Variants in SLC45A4 observed in about 807,000 individuals in gnomAD.
SLC45A4 encodes polyamine-transporter SLC45A4.
Under a neutral mutation model 63.7 loss-of-function variants are expected in SLC45A4, and 32 were observed. The ratio of observed to expected loss-of-function variants is 0.50; its 90% CI spans 0.38 to 0.67. The LOEUF (loss-of-function observed/expected upper bound fraction) is 0.67, where lower values mean the gene tolerates loss of function less well. SLC45A4 is among the 30% of genes least tolerant of loss of function. The pLI is 0.00. For synonymous variants in SLC45A4, 535 were observed against 510.0 expected, an observed-to-expected ratio of 1.05 and a Z score of -0.66; for missense variants, 1,027 against 1,157.7, an observed-to-expected ratio of 0.89 and a Z score of 1.64.
At position 141,307,445 on chromosome 8, in the gene SLC45A4, G is replaced by A. The variant is rs188922332; in HGVS notation, c.-401+651C>T. 1.3e-3 allele frequency among the ~76,000 whole-genome samples: 204 copies of A among 152,248 alleles called. 1 individual carries two copies. Among genetic ancestry groups the A allele is most frequent in the African/African-American group, 4.7e-3 (197 of 41,528 alleles). ...GGCAGAGCCACAGTCTGGCGGTGCA[G>A]GCTGGGGGTCCGAGGCGGGGGACAC... On this transcript the variant is annotated intron_variant, in intron 1 of 8. Transcript: ENST00000517878.
Position 141,212,374 on chromosome 8 carries a change from C to A in SLC45A4, c.2124G>T (p.Leu708=). ...GATAGATCACCAGGAATGTGGCCGT[C>A]AGGAAGCCCAGGAAAGAGCCCACAG... ...VASVGSFLGF[L]TATFLVIYPN... is the part of the protein sequence containing the mutation. Residue 708 remains leucine, a synonymous_variant, in exon 8 of 9, where the codon CTG becomes CTT. Coordinates refer to ENST00000517878, the MANE Select transcript of SLC45A4 (RefSeq NM_001286646.2). 6.2e-7 allele frequency: 1 copy of A among 1,613,700 alleles called. No individual in the cohort carries two copies.
At chr8:141,283,467 A>C (rs1264348504) in intron 1 of SLC45A4, among the ~76,000 whole-genome samples, 2 of 152,238 alleles carry the variant, frequency 1.3e-5, no homozygotes, top group African/African-American at 2.4e-5. Context: ...AGAGAGGAGA[A>C]CCAATGAAGG....
chr8:141,262,879 A>C (rs1304566007), intron 1 of SLC45A4, among the ~76,000 whole-genome samples: 3 of 150,964 alleles, frequency 2.0e-5, no homozygotes, highest in Admixed American at 6.6e-5. Context: ...TACCCAAAGG[A>C]CTATAAATCA....
intron 2 of SLC45A4, among the ~76,000 whole-genome samples, chr8:141,234,394 G>T (rs1451626793): frequency 6.6e-6 from 1 of 152,220 alleles, no homozygotes; most frequent in Non-Finnish European, 1.5e-5. Flanking sequence ...TGGGCTTCCT[G>T]GCCAGTGTGG....
chr8:141,263,745 G>A (rs1018412318), intron 1 of SLC45A4, among the ~76,000 whole-genome samples: 6 of 148,146 alleles, frequency 4.1e-5, no homozygotes, highest in Non-Finnish European at 7.4e-5. Context: ...ACTCCAGCCT[G>A]GGCGACAGAG....
At chr8:141,288,774 C>T (rs772726626) in intron 1 of SLC45A4, among the ~76,000 whole-genome samples, 1 of 152,220 alleles carries the variant, frequency 6.6e-6, no homozygotes, top group Admixed American at 6.5e-5. Flanking sequence ...CCGGCCCTGG[C>T]TACTTCATGC....
intron 1 of SLC45A4, among the ~76,000 whole-genome samples, chr8:141,306,590 G>C (rs1233993168): frequency 6.6e-6 from 1 of 152,206 alleles, no homozygotes. Context: ...TACCTGCTCT[G>C]ATCCCCATGT....
At chr8:141,294,649 C>T (rs771251232) in intron 1 of SLC45A4, among the ~76,000 whole-genome samples, 1 of 152,252 alleles carries the variant, frequency 6.6e-6, no homozygotes, top group Non-Finnish European at 1.5e-5. Flanking sequence ...TGGCAACCCA[C>T]GTCCCGGGGA....
Position 141,291,399 on chromosome 8 carries a change from T to C in SLC45A4, c.-401+16697A>G, listed in dbSNP as rs912082396. On this transcript the variant is annotated intron_variant, in intron 1 of 8. Coordinates refer to ENST00000517878, the MANE Select transcript of SLC45A4 (RefSeq NM_001286646.2). ...TGGTTATTATCTTCTCATAATTTTT[T>C]TTTAAATCAGTCCTCCCTTTTGTAG... 4.6e-5 allele frequency among the ~76,000 whole-genome samples: 7 copies of C among 152,360 alleles called. No individual in the cohort carries two copies. The South Asian group carries it at 1.0e-3, about 23-fold the overall frequency.
At chr8:141,253,292 CGT>C (rs1222963081) in intron 2 of SLC45A4, 35 of 157,836 alleles carry the variant, frequency 2.2e-4, no homozygotes, top group African/African-American at 4.3e-4. Flanking sequence ...TGCCCACCTG[CGT>C]GTGTCTGTGA....
At chr8:141,251,478 A>C (rs1828462454) in intron 2 of SLC45A4, among the ~76,000 whole-genome samples, 1 of 151,728 alleles carries the variant, frequency 6.6e-6, no homozygotes, top group African/African-American at 2.4e-5. Flanking sequence ...CCTGGCCCAC[A>C]GATGTGGGTT....
At chr8:141,214,997 C>G (rs949405296) in intron 7 of SLC45A4, among the ~76,000 whole-genome samples, 1 of 152,226 alleles carries the variant, frequency 6.6e-6, no homozygotes, top group Non-Finnish European at 1.5e-5. Context: ...CCTGTGACGG[C>G]CCCAACCTGG....
Position 141,212,202 on chromosome 8 carries a change from ACT to A in SLC45A4, c.2294_2295del (p.Glu765ValfsTer8). On this transcript the variant is annotated frameshift_variant, in exon 8 of 9. Coordinates refer to ENST00000517878, the MANE Select transcript of SLC45A4 (RefSeq NM_001286646.2). LOFTEE classifies it low-confidence loss of function (END_TRUNC). ...AACGGGAGTGCGGCTCAGACCACGG[ACT>A]CTGTCTCCACCGGTCCCTGCAGGCC... ...KEGLQGPVET[E>X]SVTPAGIDVC... 1.1e-5 allele frequency: 14 copies of A among 1,286,070 alleles called. No homozygotes were observed. Among genetic ancestry groups the A allele is most frequent in the Non-Finnish European group, 1.3e-5 (13 of 989,464 alleles). 79.7% of individuals were successfully genotyped at this position (1,286,070 alleles called of 1,614,324 possible). A position where few individuals can be genotyped will look rare whatever the true frequency, so the allele number is the denominator to read the frequency against.
At chr8:141,274,257 G>A (rs1282954217) in intron 1 of SLC45A4, among the ~76,000 whole-genome samples, 1 of 151,814 alleles carries the variant, frequency 6.6e-6, no homozygotes, top group Non-Finnish European at 1.5e-5. Flanking sequence ...GTTTGGGCCA[G>A]GTGTGGTAGC....
At chr8:141,293,245 G>C (rs538852433) in intron 1 of SLC45A4, among the ~76,000 whole-genome samples, 133 of 152,184 alleles carry the variant, frequency 8.7e-4, no homozygotes, top group Admixed American at 2.9e-3. Context: ...ATGAGGTCAG[G>C]GGTTCGAGAC....
In SLC45A4 at chr8:141,286,868, G is replaced by A. The variant is rs149574405; in HGVS notation, c.-401+21228C>T. Reference sequence around the variant, plus strand: ...CACAAACTACTTTAAACCTTACAACGAAGCCAACCAAAATAACTCCATAGT... The same window carrying A: ...CACAAACTACTTTAAACCTTACAACAAAGCCAACCAAAATAACTCCATAGT... On this transcript the variant is annotated intron_variant, in intron 1 of 8. Transcript: ENST00000517878. Among the ~76,000 whole-genome samples, 188 of 151,938 alleles carry A rather than the reference G, an allele frequency of 1.2e-3. 2 individuals carry two copies. In the East Asian group the frequency reaches 0.025, roughly 20 times the overall value.
At chr8:141,234,277 G>A (rs914680979) in intron 2 of SLC45A4, among the ~76,000 whole-genome samples, 5 of 152,192 alleles carry the variant, frequency 3.3e-5, no homozygotes, top group Non-Finnish European at 1.5e-5. Flanking sequence ...TTCACCGTCA[G>A]GACCTCAAGG....
chr8:141,294,198 C>T (rs537774832), intron 1 of SLC45A4, among the ~76,000 whole-genome samples: 3 of 152,120 alleles, frequency 2.0e-5, no homozygotes, highest in Non-Finnish European at 4.4e-5. Flanking sequence ...CAGGGCCAAC[C>T]GAGGGACCCT....
In SLC45A4 at chr8:141,253,362, C is replaced by T. The variant is rs72497401; in HGVS notation, c.241+627G>A. On this transcript the variant is annotated intron_variant, in intron 2 of 8. Transcript: ENST00000517878. ...GTGATTTTCCGTGTTTTCATGCCCA[C>T]CTGTGCGTGCCTGTGAATTTCCATG... is the stretch of plus-strand genomic sequence containing the variant. The T allele has an allele frequency of 3.9e-4, 79 of 202,638 alleles. No individual in the cohort carries two copies. The East Asian group carries it at 0.013, about 33-fold the overall frequency. The allele number at this position is 202,638 out of a possible 1,614,324, so 12.6% of individuals were successfully genotyped here. A position where few individuals can be genotyped will look rare whatever the true frequency, so the allele number is the denominator to read the frequency against.
Sources: allele counts gnomAD v4.1 joint callset (sites outside exome capture counted in the v4.1 genomes callset), GRCh38; gene constraint gnomAD v4.1.1; transcripts MANE v1.5; gene names NCBI Gene and HGNC (gene_info 2026-07-23, HGNC 2026-07-21).